The following CHRNA6 variants were observed in gnomAD, a reference collection of about 807,000 sequenced individuals.
CHRNA6 encodes neuronal acetylcholine receptor subunit alpha-6.
CHRNA6 carries 31 observed loss-of-function variants against 40.9 expected under a neutral mutation model. The ratio of observed to expected loss-of-function variants is 0.76; its 90% CI spans 0.57 to 1.02. The LOEUF (loss-of-function observed/expected upper bound fraction) is 1.02. Among genes scored for constraint, CHRNA6 ranks in the 50% least tolerant of loss-of-function variants. The pLI is 0.00. For synonymous variants in CHRNA6, 222 were observed against 221.3 expected (o/e 1.00, Z -0.03); for missense variants, 546 against 596.6 (o/e 0.92, Z 0.88).
intron 2 of CHRNA6, among the ~76,000 whole-genome samples, chr8:42,764,347 CT>C (rs922969764): frequency 5.5e-4 from 81 of 147,394 alleles, no homozygotes; most frequent in South Asian, 3.9e-3. Flanking sequence ...TCATGCAATT[CT>C]TTTTTTTTTT....
At chr8:42,767,630 T>C (rs1816993094) in intron 1 of CHRNA6, among the ~76,000 whole-genome samples, 1 of 152,206 alleles carries the variant, frequency 6.6e-6, no homozygotes, top group Non-Finnish European at 1.5e-5. Context: ...ACTGAGACAC[T>C]AGAGTTTTAG....
At chr8:42,768,269 T>C (rs1249446895) in intron 1 of CHRNA6, 83 bp downstream of exon 1, 4 of 1,111,614 alleles carry the variant, frequency 3.6e-6, no homozygotes, top group South Asian at 1.4e-5. Flanking sequence ...TTTATTAATA[T>C]ATCTTCTCAA....
chr8:42,765,184 C>T lies in CHRNA6; in HGVS notation c.100G>A (p.Glu34Lys), dbSNP rs1424156589. 1 of 1,614,084 alleles carries T rather than the reference C, an allele frequency of 6.2e-7. No homozygotes were observed. Among genetic ancestry groups the T allele is most frequent in the Admixed American group, 1.7e-5 (1 of 60,028 alleles). Residue 34 changes from glutamate to lysine, a missense_variant, in exon 2 of 6, where the codon GAG becomes AAG. This residue lies in a region of CHRNA6 where 476 missense variants were observed against 494.5 expected (regional missense o/e 0.96). Coordinates refer to ENST00000276410, the MANE Select transcript of CHRNA6 (RefSeq NM_004198.3). ...AACAGTTTGTGGAAGAGCCTCTCCT[C>T]AGTTGCACAGCCCACACAGCCTGTG... ...FFKGCVGCAT[E>K]ERLFHKLFSH...
chr8:42,764,959 C>T, intron 2 of CHRNA6, 106 bp downstream of exon 2: 2 of 1,266,394 alleles, frequency 1.6e-6, no homozygotes, highest in South Asian at 2.8e-5. Context: ...TTTGAAGGGC[C>T]AGATCTCGTG....
chr8:42,756,726 C>T lies in CHRNA6; in HGVS notation c.473G>A (p.Cys158Tyr). The T allele has an allele frequency of 1.2e-6, 2 of 1,614,022 alleles. No individual in the cohort carries two copies. Among genetic ancestry groups the T allele is most frequent in the Non-Finnish European group, 1.7e-6 (2 of 1,180,020 alleles). The change falls in exon 5 of 6, where the codon TGC (cysteine) becomes TAC (tyrosine). Residue 158 changes from cysteine to tyrosine, a missense_variant. Transcript: ENST00000276410. ...WTPPAIFKSSCPMDITFFPFD... is the reference protein window; with the variant it reads ...WTPPAIFKSSYPMDITFFPFD... ...AGGGAAAAAGGTGATATCCATAGGGCAGGAACTCTTAAAAATAGCTGGTGG... is the reference window on the plus strand; with the variant it reads ...AGGGAAAAAGGTGATATCCATAGGGTAGGAACTCTTAAAAATAGCTGGTGG...
chr8:42,763,534 G>A (rs1313007779), intron 2 of CHRNA6, among the ~76,000 whole-genome samples: 2 of 152,274 alleles, frequency 1.3e-5, no homozygotes, highest in East Asian at 3.9e-4. Context: ...GTCCAGCAGG[G>A]TTATGGAGAG....
chr8:42,753,673 C>T (rs1167242092), intron 5 of CHRNA6, among the ~76,000 whole-genome samples: 1 of 152,048 alleles, frequency 6.6e-6, no homozygotes, highest in African/African-American at 2.4e-5. Flanking sequence ...GACTCCATTT[C>T]GAAAAATAAA....
intron 2 of CHRNA6, among the ~76,000 whole-genome samples, chr8:42,762,024 A>G (rs990681011): frequency 1.3e-5 from 2 of 152,200 alleles, no homozygotes; most frequent in African/African-American, 2.4e-5. Flanking sequence ...AAGAAACCAG[A>G]AAATTTTCTG....
Position 42,756,219 on chromosome 8 carries a change from A to G in CHRNA6, c.980T>C (p.Ile327Thr), listed in dbSNP as rs1196511863. The G allele has an allele frequency of 3.7e-6, 6 of 1,614,124 alleles. No individual in the cohort carries two copies. The Admixed American group carries it at 8.3e-5, about 22-fold the overall frequency. ...SIVVTVFVLN[I>T]HYRTPTTHTM... ...GTGCGTGGTTGGGGTGCGGTAGTGT[A>G]TGTTCAACACAAACACAGTCACCAC... is the stretch of plus-strand genomic sequence containing the variant. The change falls in exon 5 of 6, where the codon ATA (isoleucine) becomes ACA (threonine). Residue 327 changes from isoleucine (I) to threonine (T), a missense_variant. Physicochemically the swap from Ile to Thr is moderately conservative, Grantham distance 89. Around this residue, in one of 3 missense-constraint regions of CHRNA6, gnomAD observed 476 missense variants for 494.5 expected, o/e 0.96. Coordinates refer to ENST00000276410, the MANE Select transcript of CHRNA6 (RefSeq NM_004198.3).
intron 2 of CHRNA6, among the ~76,000 whole-genome samples, chr8:42,762,929 T>C (rs1239666730): frequency 6.6e-6 from 1 of 152,294 alleles, no homozygotes; most frequent in Non-Finnish European, 1.5e-5. Flanking sequence ...TGCATGTCAA[T>C]CTATAATGAT....
Position 42,768,692 on chromosome 8 carries a change from C to G in CHRNA6, c.-262G>C. The G allele has an allele frequency of 2.8e-6, 1 of 354,916 alleles. No individual in the cohort carries two copies. The highest frequency in any genetic ancestry group is 5.1e-6 in the Non-Finnish European group (1 of 194,612). The allele number at this position is 354,916 out of a possible 1,614,324, so 22.0% of individuals were successfully genotyped here. A position where few individuals can be genotyped will look rare whatever the true frequency, so the allele number is the denominator to read the frequency against. The stretch of plus-strand genomic sequence containing the variant: ...ACATTTCCTGACAGCCTAGATGTCT[C>G]TTCATGCAAGAAAGGGGAAGAAAAG... On this transcript the variant is annotated 5_prime_UTR_variant, in exon 1 of 6. Coordinates refer to ENST00000276410, the MANE Select transcript of CHRNA6 (RefSeq NM_004198.3).
chr8:42,759,179 A>C, intron 2 of CHRNA6, 66 bp from the exon 3 acceptor site: 1 of 1,252,480 alleles, frequency 8.0e-7, no homozygotes, highest in Admixed American at 1.7e-5. Flanking sequence ...CTTAGAGCAA[A>C]AATTACAACT....
At position 42,752,768 on chromosome 8, in the gene CHRNA6, T is replaced by C. The variant is rs41265262; in HGVS notation, c.*411A>G. ...AGTTCACAAATGTTGCATGGTCCAA[T>C]TCCCAGAGTTCACCTGTCACATGTC... On this transcript the variant is annotated 3_prime_UTR_variant, in exon 6 of 6. Coordinates refer to ENST00000276410, the MANE Select transcript of CHRNA6 (RefSeq NM_004198.3). The C allele has an allele frequency of 8.8e-3, 1,452 of 165,904 alleles. 17 individuals carry two copies. Among genetic ancestry groups the C allele is most frequent in the Middle Eastern group, 0.024 (8 of 332 alleles). 10.3% of individuals were successfully genotyped at this position (165,904 alleles called of 1,614,324 possible).
At chr8:42,758,896 C>T (rs1269167733) in intron 3 of CHRNA6, among the ~76,000 whole-genome samples, 173 bp downstream of exon 3, 2 of 152,190 alleles carry the variant, frequency 1.3e-5, no homozygotes, top group East Asian at 1.9e-4. Context: ...TAAGTGTCTG[C>T]ACCTGTGAAG....
chr8:42,756,659 C>T lies in CHRNA6; in HGVS notation c.540G>A (p.Thr180=), dbSNP rs145970961. 20 of 1,614,056 alleles carry T rather than the reference C, an allele frequency of 1.2e-5. No individual in the cohort carries two copies. The East Asian group carries it at 2.5e-4, about 20-fold the overall frequency. ...GAAGATCAATTTCAGCTTTGTCATACGTCCAGGAACCAAATTTTAGGGAAC... is the reference window on the plus strand; with the variant it reads ...GAAGATCAATTTCAGCTTTGTCATATGTCCAGGAACCAAATTTTAGGGAAC... ...QNCSLKFGSW[T]YDKAEIDLLI... Residue 180 remains threonine, a synonymous_variant, in exon 5 of 6, where the codon ACG becomes ACA. Transcript: ENST00000276410.
rs1486312222 is a variant in CHRNA6 at position 42,755,992 on chromosome 8, C to T, written c.1207G>A (p.Glu403Lys). 2 of 1,614,244 alleles carry T rather than the reference C, an allele frequency of 1.2e-6. No homozygotes were observed. Among genetic ancestry groups the T allele is most frequent in the Non-Finnish European group, 8.5e-7 (1 of 1,180,048 alleles). Residue 403 changes from glutamate to lysine, a missense_variant, in exon 5 of 6, where the codon GAG becomes AAG. By Grantham distance (56) the Glu-to-Lys change is moderately conservative. Coordinates refer to ENST00000276410, the MANE Select transcript of CHRNA6 (RefSeq NM_004198.3). ...KECFHCHKSN[E>K]LATSKRRLSH... ...AATCTTCTCTTGCTTGTGGCAAGCT[C>T]ATTTGATTTGTGACAATGGAAGCAT...
At chr8:42,762,989 T>G (rs759433344) in intron 2 of CHRNA6, among the ~76,000 whole-genome samples, 8 of 152,240 alleles carry the variant, frequency 5.3e-5, no homozygotes, top group Non-Finnish European at 8.8e-5. Flanking sequence ...CAAGTCTGCC[T>G]TGCAGCTGGA....
chr8:42,759,011 T>G, intron 3 of CHRNA6, 58 bp downstream of exon 3: 3 of 1,261,350 alleles, frequency 2.4e-6, no homozygotes, highest in South Asian at 2.4e-5. Flanking sequence ...AACAAGGTAG[T>G]GCTTGTGGGT....
Position 42,756,945 on chromosome 8 carries a change from G to A in CHRNA6, c.357C>T (p.Asp119=), listed in dbSNP as rs1224447661. 1.2e-6 allele frequency: 2 copies of A among 1,613,618 alleles called. No individual in the cohort carries two copies. Among genetic ancestry groups the A allele is most frequent in the Admixed American group, 1.7e-5 (1 of 60,018 alleles). ...RVPADKIWKP[D]IVLYNNAVGD... Reference sequence around the variant, plus strand: ...ACCCATACTTGTTATAGAGAACAATGTCGGGCTTCCAAATCTTATCTGCAG... The same window carrying A: ...ACCCATACTTGTTATAGAGAACAATATCGGGCTTCCAAATCTTATCTGCAG... The change falls in exon 4 of 6, where the codon GAC becomes GAT. Residue 119 remains aspartate (D), a synonymous_variant. Transcript: ENST00000276410.
Sources: gnomAD v4.1 joint callset for allele counts (sites outside exome capture counted in the v4.1 genomes callset) on GRCh38, gnomAD v4.1.1 for gene constraint, gnomAD v4.1.1 regional missense constraint, MANE v1.5 for transcripts, NCBI Gene and HGNC (gene_info 2026-07-23, HGNC 2026-07-21) for gene names.